Variants in DDAH1 observed in about 807,000 individuals in gnomAD.
The protein encoded by DDAH1 is dimethylarginine dimethylaminohydrolase 1.
In DDAH1, 19 loss-of-function variants were observed where a neutral mutation model predicts 28.8. The observed-to-expected ratio is 0.66, with a 90% CI of 0.46 to 0.97. The LOEUF is 0.97. Among genes scored for constraint, DDAH1 ranks in the 50% least tolerant of loss-of-function variants. DDAH1 has a pLI of 0.00. For synonymous variants in DDAH1, 153 were observed against 154.4 expected, an observed-to-expected ratio of 0.99 and a Z score of 0.07; for missense variants, 326 against 375.9, an observed-to-expected ratio of 0.87 and a Z score of 1.10.
At chr1:85,326,397 G>T (rs573425027) in intron 4 of DDAH1, among the ~76,000 whole-genome samples, 10 of 152,316 alleles carry the variant, frequency 6.6e-5, no homozygotes, top group African/African-American at 2.4e-4. Flanking sequence ...ATAAGAACTA[G>T]CAGGGCACCA....
Position 85,348,317 on chromosome 1 carries a change from G to A in DDAH1, c.597+2098C>T, listed in dbSNP as rs183418437. ...GGGTTTTTTTCCTAGGTCATCAGTG[G>A]TCCTCTTTTCTGACTGCAGGGTCTT... On this transcript the variant is annotated intron_variant, in intron 4 of 5. Coordinates refer to ENST00000284031, the MANE Select transcript of DDAH1 (RefSeq NM_012137.4). Among the ~76,000 whole-genome samples the A allele has an allele frequency of 3.5e-3, 528 of 152,228 alleles. 3 individuals carry two copies. Among genetic ancestry groups the A allele is most frequent in the Non-Finnish European group, 4.9e-3 (335 of 68,000 alleles).
At chr1:85,458,546 A>G (rs1654999960) in intron 1 of DDAH1, among the ~76,000 whole-genome samples, 1 of 150,284 alleles carries the variant, frequency 6.7e-6, no homozygotes, top group Non-Finnish European at 1.5e-5. Flanking sequence ...CTCCTGCCTC[A>G]GCCTCCTGAG....
At chr1:85,472,673 T>G (rs1191657339) in intron 2 of DDAH1, among the ~76,000 whole-genome samples, 2 of 152,206 alleles carry the variant, frequency 1.3e-5, no homozygotes, top group African/African-American at 4.8e-5. Context: ...ATGTTGAGTT[T>G]TAACAAGTTT....
At chr1:85,353,692 T>C (rs2300635) in intron 2 of DDAH1, among the ~76,000 whole-genome samples, 1,662 of 152,246 alleles carry the variant, frequency 0.011, 51 homozygotes, top group Admixed American at 0.058. Context: ...AAGATAAAAA[T>C]AGGTTTATAA....
At position 85,465,058 on chromosome 1, in the gene DDAH1, C is replaced by G; in HGVS notation, c.-13G>C. On this transcript the variant is annotated 5_prime_UTR_variant, in exon 1 of 6. Transcript: ENST00000284031. ...CGAGCCCGGCCATGGCTTCGGGAGG[C>G]TTAGGGGCGGCGGCGGCGGCGGAGG... 2.4e-6 allele frequency: 3 copies of G among 1,238,324 alleles called. No homozygotes were observed. The highest frequency in any genetic ancestry group is 3.0e-6 in the Non-Finnish European group (3 of 993,138). The allele number at this position is 1,238,324 out of a possible 1,614,324, so 76.7% of individuals were successfully genotyped here.
intron 1 of DDAH1, among the ~76,000 whole-genome samples, chr1:85,365,987 T>C (rs1650053907): frequency 6.6e-6 from 1 of 152,068 alleles, no homozygotes; most frequent in Non-Finnish European, 1.5e-5. Context: ...GTCAGAGAGA[T>C]GTTCTGATCT....
At chr1:85,397,087 A>T (rs1421998813) in intron 1 of DDAH1, among the ~76,000 whole-genome samples, 1 of 152,176 alleles carries the variant, frequency 6.6e-6, no homozygotes, top group Non-Finnish European at 1.5e-5. Context: ...CTAGAAATCA[A>T]TCATAATTTT....
At chr1:85,563,115 C>T (rs976265061) in intron 1 of DDAH1, among the ~76,000 whole-genome samples, 1 of 152,084 alleles carries the variant, frequency 6.6e-6, no homozygotes, top group African/African-American at 2.4e-5. Flanking sequence ...GCAGGGGGAA[C>T]CCAGGCAGTC....
intron 1 of DDAH1, among the ~76,000 whole-genome samples, chr1:85,528,690 T>A (rs1472700421): frequency 1.3e-5 from 2 of 152,132 alleles, no homozygotes; most frequent in Non-Finnish European, 2.9e-5. Flanking sequence ...CAATTTTTTT[T>A]AAAGAAAAGA....
intron 1 of DDAH1, among the ~76,000 whole-genome samples, chr1:85,415,039 G>T: frequency 9.1e-6 from 1 of 109,862 alleles, no homozygotes; most frequent in African/African-American, 3.5e-5. Context: ...TTTTGAGATG[G>T]AGTCTCGCAC....
chr1:85,479,403 G>A (rs887063706), intron 2 of DDAH1, among the ~76,000 whole-genome samples: 25 of 151,690 alleles, frequency 1.6e-4, no homozygotes, highest in African/African-American at 6.1e-4. Flanking sequence ...TCGATCTCCT[G>A]ACCTCATGAT....
intron 1 of DDAH1, among the ~76,000 whole-genome samples, chr1:85,395,755 G>A (rs995318116): frequency 4.6e-5 from 7 of 152,106 alleles, no homozygotes; most frequent in African/African-American, 1.2e-4. Context: ...AAGATTTATG[G>A]AAGATGAATC....
chr1:85,566,367 C>A, intron 1 of DDAH1, among the ~76,000 whole-genome samples: 1 of 151,226 alleles, frequency 6.6e-6, no homozygotes, highest in East Asian at 1.9e-4. Context: ...TGGTGCACAC[C>A]TGTAGTCCCA....
At chr1:85,516,470 G>T (rs1312309384) in intron 1 of DDAH1, among the ~76,000 whole-genome samples, 2 of 151,124 alleles carry the variant, frequency 1.3e-5, no homozygotes, top group Non-Finnish European at 2.9e-5. Flanking sequence ...TTTCCACCAA[G>T]ATTTTCTAGG....
chr1:85,571,787 CTTTTTTTTTTTTTTT>C (rs58835610), intron 1 of DDAH1, among the ~76,000 whole-genome samples: 5 of 85,384 alleles, frequency 5.9e-5, no homozygotes, highest in African/African-American at 1.4e-4. Flanking sequence ...TGTTTATAAG[CTTTTTTTTTTTTTTT>C]TTTTTTTTTT....
At chr1:85,337,113 AT>A (rs573270758) in intron 4 of DDAH1, among the ~76,000 whole-genome samples, 206 of 152,328 alleles carry the variant, frequency 1.4e-3, no homozygotes, top group African/African-American at 4.6e-3. Flanking sequence ...CATATGATTA[AT>A]AGATGGTGTG....
In DDAH1 at chr1:85,504,094, C is replaced by T. The variant is rs562762547; in HGVS notation, c.-122-7813G>A. ...AAGATCGCTTTGGCTGCAGCGTAGG[C>T]TGCATTGTAGGGAAGCAAGAGCATA... is the stretch of plus-strand genomic sequence containing the variant. On this transcript the variant is annotated intron_variant, in intron 1 of 6. Coordinates refer to the DDAH1 transcript ENST00000426972. Among the ~76,000 whole-genome samples, 255 of 152,322 alleles carry T rather than the reference C, an allele frequency of 1.7e-3. 1 individual carries two copies. The highest frequency in any genetic ancestry group is 5.8e-3 in the African/African-American group (243 of 41,572).
chr1:85,566,468 G>A (rs550196558), intron 1 of DDAH1, among the ~76,000 whole-genome samples: 1 of 149,424 alleles, frequency 6.7e-6, no homozygotes, highest in South Asian at 2.1e-4. Context: ...CTCCAGCCTG[G>A]GTGACAGAGC....
chr1:85,353,884 T>C (rs1407436290), intron 2 of DDAH1, among the ~76,000 whole-genome samples: 1 of 152,098 alleles, frequency 6.6e-6, no homozygotes. Context: ...TAGGGTGGCA[T>C]GCATACCATT....
Sources: gnomAD v4.1 joint callset for allele counts (sites outside exome capture counted in the v4.1 genomes callset) on GRCh38, gnomAD v4.1.1 for gene constraint, MANE v1.5 for transcripts, NCBI Gene and HGNC (gene_info 2026-07-23, HGNC 2026-07-21) for gene names.